ACACA: variants seen among roughly 807,000 people sequenced by gnomAD.
The protein encoded by ACACA is acetyl-CoA carboxylase alpha, also known as acetyl-CoA carboxylase 1.
A neutral mutation model predicts 296.1 loss-of-function variants in ACACA; 103 were observed. The ratio of observed to expected loss-of-function variants is 0.35; its 90% CI spans 0.30 to 0.41. The LOEUF (loss-of-function observed/expected upper bound fraction) is 0.41, where lower values mean the gene tolerates loss of function less well. Ranked by LOEUF, ACACA falls within the 10% of genes least tolerant of loss-of-function variation. The pLI is 1.00. For missense variants in ACACA, 1,554 were observed against 2,989.7 expected, an observed-to-expected ratio of 0.52 and a Z score of 11.20; for synonymous variants, 953 against 1,038.6, an observed-to-expected ratio of 0.92 and a Z score of 1.58.
intron 52 of ACACA, among the ~76,000 whole-genome samples, chr17:37,103,380 AG>A (rs2073476650): frequency 6.6e-6 from 1 of 152,234 alleles, no homozygotes; most frequent in Non-Finnish European, 1.5e-5. Flanking sequence ...TATTGTAAAA[AG>A]CTAAGCTCTC....
At chr17:37,281,605 C>T (rs542060185) in intron 5 of ACACA, among the ~76,000 whole-genome samples, 76 of 152,296 alleles carry the variant, frequency 5.0e-4, no homozygotes, top group African/African-American at 1.8e-3. Flanking sequence ...CAGTGGCTTA[C>T]ACCTGTAATC....
intron 1 of ACACA, among the ~76,000 whole-genome samples, chr17:37,379,546 T>C (rs947791191): frequency 3.3e-5 from 5 of 152,214 alleles, no homozygotes; most frequent in African/African-American, 1.2e-4. Context: ...TCATTGTAGA[T>C]TCTGGATATT....
intron 31 of ACACA, among the ~76,000 whole-genome samples, chr17:37,207,431 T>C (rs887430626): frequency 1.3e-5 from 2 of 152,208 alleles, no homozygotes; most frequent in African/African-American, 2.4e-5. Flanking sequence ...TTTGTTTCTT[T>C]TTTTCTGACC....
intron 1 of ACACA, among the ~76,000 whole-genome samples, chr17:37,349,499 CATAT>C (rs994018521): frequency 6.8e-6 from 1 of 146,632 alleles, no homozygotes; most frequent in Non-Finnish European, 1.5e-5. Context: ...ATATATCTTA[CATAT>C]ATATATCTTA....
chr17:37,099,993 T>C (rs529825043), intron 52 of ACACA, among the ~76,000 whole-genome samples: 1 of 152,194 alleles, frequency 6.6e-6, no homozygotes, highest in Admixed American at 6.5e-5. Flanking sequence ...AAATAAATAA[T>C]GATATTTATT....
intron 3 of ACACA, among the ~76,000 whole-genome samples, chr17:37,310,167 C>T (rs557688012): frequency 3.3e-5 from 5 of 152,250 alleles, no homozygotes; most frequent in East Asian, 1.9e-4. Context: ...CAAGAGCTGA[C>T]GTGCTAAGGC....
chr17:37,385,664 T>C (rs1008820905), intron 1 of ACACA, among the ~76,000 whole-genome samples: 1 of 152,136 alleles, frequency 6.6e-6, no homozygotes, highest in Middle Eastern at 3.2e-3. Context: ...TTTGGAGCCA[T>C]CTCTTTTTAA....
At chr17:37,396,935 T>C (rs1460228155) in intron 1 of ACACA, among the ~76,000 whole-genome samples, 1 of 152,144 alleles carries the variant, frequency 6.6e-6, no homozygotes, top group African/African-American at 2.4e-5. Flanking sequence ...ATGTGCACAA[T>C]GTCCAGGTTT....
intron 45 of ACACA, among the ~76,000 whole-genome samples, chr17:37,143,041 C>T (rs1423087910): frequency 1.3e-5 from 2 of 152,148 alleles, no homozygotes; most frequent in Non-Finnish European, 2.9e-5. Context: ...TTAATTCTCA[C>T]AGCGACTCTG....
intron 45 of ACACA, chr17:37,140,741 T>C (rs750058366): frequency 2.3e-5 from 5 of 221,404 alleles, no homozygotes; most frequent in Non-Finnish European, 4.6e-5. Context: ...GGGGGTCAGG[T>C]AGCTGTAGGT....
rs184555375 is a variant in ACACA at position 37,291,799 on chromosome 17, G to A, written c.339-6829C>T. On this transcript the variant is annotated intron_variant, in intron 3 of 55. Transcript: ENST00000616317. ...ATGTTATTAAATAAATGACTGATAC[G>A]ATTATACTAATCTGAGATGACATAT... Among the ~76,000 whole-genome samples, 225 of 152,102 alleles carry A rather than the reference G, an allele frequency of 1.5e-3. 2 individuals are homozygous for A. Among genetic ancestry groups the A allele is most frequent in the Middle Eastern group, 6.8e-3 (2 of 294 alleles).
chr17:37,204,806 A>G (rs530430832), intron 33 of ACACA, among the ~76,000 whole-genome samples: 1 of 152,348 alleles, frequency 6.6e-6, no homozygotes, highest in Admixed American at 6.5e-5. Flanking sequence ...TAGTCTCTCA[A>G]TAGGCTGATG....
intron 39 of ACACA, among the ~76,000 whole-genome samples, chr17:37,183,221 G>C (rs1199223325): frequency 2.0e-5 from 3 of 152,132 alleles, no homozygotes; most frequent in Non-Finnish European, 4.4e-5. Context: ...AGACAGGCTG[G>C]TCATAGTTAA....
chr17:37,378,735 C>T (rs955858827), intron 1 of ACACA, among the ~76,000 whole-genome samples: 6 of 151,688 alleles, frequency 4.0e-5, no homozygotes, highest in African/African-American at 9.7e-5. Context: ...ACTCAGAGAT[C>T]GTGCCATTGC....
chr17:37,258,267 G>A lies in ACACA; in HGVS notation c.1607C>T (p.Pro536Leu), dbSNP rs2081303259. ...AGCAATAACATGGCCCCTTGGACAA[G>A]GAACGTGTGCAGAATCTTCAAAATC... is the stretch of plus-strand genomic sequence containing the variant. Reference protein sequence around the residue: ...PIDFEDSAHVPCPRGHVIAAR... With the variant: ...PIDFEDSAHVLCPRGHVIAAR... The change falls in exon 13 of 56, where the codon CCT becomes CTT. Residue 536 changes from proline to leucine, a missense_variant. Transcript: ENST00000616317. The A allele has an allele frequency of 1.2e-6, 2 of 1,614,086 alleles. No homozygotes were observed. Among genetic ancestry groups the A allele is most frequent in the Non-Finnish European group, 1.7e-6 (2 of 1,179,988 alleles).
intron 52 of ACACA, among the ~76,000 whole-genome samples, chr17:37,108,683 C>T (rs117039593): frequency 0.014 from 2,192 of 152,138 alleles, 31 homozygotes; most frequent in Non-Finnish European, 0.025. Context: ...CCACCGTGCC[C>T]GGAGTAATTA....
chr17:37,098,577 T>G (rs2073132708), intron 52 of ACACA, among the ~76,000 whole-genome samples: 1 of 152,232 alleles, frequency 6.6e-6, no homozygotes, highest in Admixed American at 6.5e-5. Context: ...AACCTCTAAT[T>G]AGTAGAACTC....
At chr17:37,369,997 C>G (rs1287305742) in intron 1 of ACACA, among the ~76,000 whole-genome samples, 2 of 137,642 alleles carry the variant, frequency 1.5e-5, no homozygotes, top group African/African-American at 5.8e-5. Context: ...TGAGCCACTG[C>G]GCCTGGCCCC....
chr17:37,188,438 G>A lies in ACACA; in HGVS notation c.4615C>T (p.Arg1539Cys), dbSNP rs2145037056. Residue 1539 changes from arginine (R) to cysteine (C), a missense_variant, in exon 39 of 56, where the codon CGC (arginine) becomes TGC (cysteine). Physicochemically the swap from Arg to Cys is radical, Grantham distance 180. Around this residue, in one of 16 missense-constraint regions of ACACA, gnomAD observed 35 missense variants for 131.8 expected, o/e 0.27. Coordinates refer to ENST00000616317, the MANE Select transcript of ACACA (RefSeq NM_198834.3). ...VRSMVMRYGS[R>C]LWKLRVLQAE... Reference sequence around the variant, plus strand: ...TGGAGGACGCGCAATTTCCACAGGCGACTTCCATACCGCATTACCATGCTC... The same window carrying A: ...TGGAGGACGCGCAATTTCCACAGGCAACTTCCATACCGCATTACCATGCTC... 6.2e-7 allele frequency: 1 copy of A among 1,613,516 alleles called. No individual in the cohort carries two copies.
Sources: gnomAD v4.1 joint callset for allele counts (sites outside exome capture counted in the v4.1 genomes callset) on GRCh38, gnomAD v4.1.1 for gene constraint, gnomAD v4.1.1 regional missense constraint, MANE v1.5 for transcripts, NCBI Gene and HGNC (gene_info 2026-07-23, HGNC 2026-07-21) for gene names.